Variants in CD86 observed in about 807,000 individuals in gnomAD.
CD86 encodes T-lymphocyte activation antigen CD86.
In CD86, 11 loss-of-function variants were observed where a neutral mutation model predicts 32.1. That is an observed-to-expected ratio of 0.34 (90% CI 0.22 to 0.57). CD86 has a LOEUF of 0.57. CD86 is among the 20% of genes least tolerant of loss of function. CD86 has a pLI of 0.86. For missense variants in CD86, 359 were observed against 398.4 expected (o/e 0.90, Z 0.84); for synonymous variants, 137 against 135.3 (o/e 1.01, Z -0.09).
At chr3:122,069,890 T>C (rs762209182) in intron 1 of CD86, among the ~76,000 whole-genome samples, 2 of 152,202 alleles carry the variant, frequency 1.3e-5, no homozygotes, top group Non-Finnish European at 2.9e-5. Flanking sequence ...GCTCTGTCCA[T>C]CCTTCTCATC....
chr3:122,058,826 T>C (rs777084997), intron 1 of CD86, among the ~76,000 whole-genome samples: 4 of 152,068 alleles, frequency 2.6e-5, no homozygotes, highest in African/African-American at 4.8e-5. Flanking sequence ...TAGGAGACTA[T>C]TGGAGTAAGC....
intron 2 of CD86, among the ~76,000 whole-genome samples, chr3:122,092,354 A>G (rs1225351325): frequency 2.0e-5 from 3 of 152,114 alleles, no homozygotes; most frequent in Admixed American, 6.5e-5. Flanking sequence ...AAATTTGAAT[A>G]AGTAAGATAT....
At chr3:122,106,097 TGCCCCAATGA>T in intron 3 of CD86, 91 bp from the exon 4 acceptor site, 1 of 830,352 alleles carries the variant, frequency 1.2e-6, no homozygotes. Context: ...CTCCCAGGTG[TGCCCCAATGA>T]GCCCCAGATC....
intron 1 of CD86, among the ~76,000 whole-genome samples, chr3:122,060,261 G>A (rs1251572077): frequency 1.3e-5 from 2 of 152,210 alleles, no homozygotes; most frequent in African/African-American, 4.8e-5. Context: ...GACTGAAAAT[G>A]TCAGTCCAGA....
chr3:122,072,872 T>C (rs1559899881), intron 1 of CD86, among the ~76,000 whole-genome samples: 1 of 152,090 alleles, frequency 6.6e-6, no homozygotes, highest in Non-Finnish European at 1.5e-5. Flanking sequence ...AGGTCTAATG[T>C]TTAAGTCTTT....
chr3:122,117,452 T>G (rs2073272132), intron 5 of CD86, among the ~76,000 whole-genome samples: 1 of 152,276 alleles, frequency 6.6e-6, no homozygotes, highest in Non-Finnish European at 1.5e-5. Context: ...GTTAGCAACC[T>G]GTTGGAGTTT....
At position 122,120,943 on chromosome 3, in the gene CD86, G is replaced by T. The variant is rs1323104234; in HGVS notation, c.*1409G>T. On this transcript the variant is annotated 3_prime_UTR_variant, in exon 7 of 7. Coordinates refer to ENST00000330540, the MANE Select transcript of CD86 (RefSeq NM_175862.5). ...GCCCAAACATAAAGAGAACTCTGGG[G>T]AGCCTGAGCCACAAAAATGTTCCTT... 1 of 152,214 alleles carries T rather than the reference G, an allele frequency of 6.6e-6. No individual in the cohort carries two copies. Among genetic ancestry groups the T allele is most frequent in the Non-Finnish European group, 1.5e-5 (1 of 68,046 alleles). 9.4% of individuals were successfully genotyped at this position (152,214 alleles called of 1,614,324 possible). A position where few individuals can be genotyped will look rare whatever the true frequency, so the allele number is the denominator to read the frequency against.
At chr3:122,118,137 C>T in intron 6 of CD86, 44 bp downstream of exon 6, 1 of 1,515,292 alleles carries the variant, frequency 6.6e-7, no homozygotes, top group African/African-American at 1.4e-5. Context: ...AGGTATAATC[C>T]CCAGAGTGCC....
At chr3:122,061,586 T>C (rs2072336116) in intron 1 of CD86, among the ~76,000 whole-genome samples, 1 of 152,146 alleles carries the variant, frequency 6.6e-6, no homozygotes, top group Non-Finnish European at 1.5e-5. Flanking sequence ...AATATACAGA[T>C]GGTGAACAAC....
chr3:122,065,871 T>C (rs13075281), intron 1 of CD86, among the ~76,000 whole-genome samples: 16,545 of 151,708 alleles, frequency 0.11, 985 homozygotes, highest in African/African-American at 0.16. Context: ...AGGGGGAAAC[T>C]TGACTGGGGG....
chr3:122,086,913 A>T (rs554976962), intron 1 of CD86, among the ~76,000 whole-genome samples: 1,340 of 2,898 alleles, frequency 0.46, 9 homozygotes, highest in Admixed American at 0.48. Context: ...AACGTGCTAC[A>T]CCAGTGTGTG....
chr3:122,106,163 A>G, intron 3 of CD86, 35 bp from the exon 4 acceptor site: 1 of 1,493,672 alleles, frequency 6.7e-7, no homozygotes. Flanking sequence ...ATCTAAACTT[A>G]GATTGATTTT....
chr3:122,087,419 C>T (rs920839200), intron 1 of CD86, among the ~76,000 whole-genome samples: 57 of 152,104 alleles, frequency 3.7e-4, no homozygotes, highest in Admixed American at 8.5e-4. Context: ...GAGGTTCATT[C>T]CTGAGGGAGT....
intron 1 of CD86, among the ~76,000 whole-genome samples, chr3:122,069,813 G>T (rs2072465395): frequency 6.6e-6 from 1 of 152,134 alleles, no homozygotes; most frequent in Non-Finnish European, 1.5e-5. Context: ...ACCTCACTTA[G>T]ACCCTGGGTA....
intron 2 of CD86, among the ~76,000 whole-genome samples, chr3:122,098,555 G>T (rs746999840): frequency 3.3e-5 from 5 of 152,136 alleles, no homozygotes; most frequent in Non-Finnish European, 5.9e-5. Flanking sequence ...AAGGGATCTG[G>T]ATATATTTTT....
chr3:122,101,513 AATAT>A (rs58001956), intron 2 of CD86, among the ~76,000 whole-genome samples: 747 of 46,022 alleles, frequency 0.016, 6 homozygotes, highest in Non-Finnish European at 0.018. Flanking sequence ...AAAAAAAAAA[AATAT>A]ATATATATAT....
intron 5 of CD86, among the ~76,000 whole-genome samples, chr3:122,113,197 G>C (rs1295890574): frequency 6.6e-6 from 1 of 152,110 alleles, no homozygotes; most frequent in Non-Finnish European, 1.5e-5. Flanking sequence ...TCTTTTTATG[G>C]CTGAGTAATA....
At chr3:122,062,873 A>T (rs530402672) in intron 1 of CD86, among the ~76,000 whole-genome samples, 3 of 152,174 alleles carry the variant, frequency 2.0e-5, no homozygotes, top group African/African-American at 7.2e-5. Flanking sequence ...ATTATTTCCT[A>T]TATTTTTAAT....
intron 5 of CD86, among the ~76,000 whole-genome samples, chr3:122,116,787 C>A (rs2073257901): frequency 6.6e-6 from 1 of 151,948 alleles, no homozygotes; most frequent in Non-Finnish European, 1.5e-5. Flanking sequence ...ACAATCCAGG[C>A]ACAAGAAGAA....
Sources: allele counts gnomAD v4.1 joint callset (sites outside exome capture counted in the v4.1 genomes callset), GRCh38; gene constraint gnomAD v4.1.1; transcripts MANE v1.5; gene names NCBI Gene and HGNC (gene_info 2026-07-23, HGNC 2026-07-21).